CRIM1: variants seen among roughly 807,000 people sequenced by gnomAD.
CRIM1 encodes the protein cysteine-rich motor neuron 1 protein.
Under a neutral mutation model 116.4 loss-of-function variants are expected in CRIM1, and 32 were observed. The ratio of observed to expected loss-of-function variants is 0.27; its 90% CI spans 0.21 to 0.37. CRIM1 has a LOEUF of 0.37. CRIM1 is among the 10% of genes least tolerant of loss of function. CRIM1 has a pLI of 1.00. For synonymous variants in CRIM1, 590 were observed against 509.2 expected (o/e 1.16, Z -2.13); for missense variants, 1,331 against 1,354.8 (o/e 0.98, Z 0.28).
chr2:36,490,001 C>A (rs1680111539), intron 7 of CRIM1, among the ~76,000 whole-genome samples: 2 of 152,186 alleles, frequency 1.3e-5, no homozygotes, highest in South Asian at 4.1e-4. Flanking sequence ...CTTACCAGAC[C>A]ATATGAAAAG....
chr2:36,375,057 A>G (rs190128390), intron 1 of CRIM1, among the ~76,000 whole-genome samples: 7 of 151,896 alleles, frequency 4.6e-5, no homozygotes, highest in Admixed American at 4.6e-4. Context: ...TGAAAAATGG[A>G]TATAATTAAG....
chr2:36,504,454 T>G (rs1428574944), intron 8 of CRIM1, among the ~76,000 whole-genome samples: 1 of 152,190 alleles, frequency 6.6e-6, no homozygotes. Flanking sequence ...AACATGTGCT[T>G]CAAAAGTATG....
chr2:36,450,057 A>G (rs1320166199), intron 4 of CRIM1, among the ~76,000 whole-genome samples: 1 of 151,804 alleles, frequency 6.6e-6, no homozygotes, highest in African/African-American at 2.4e-5. Context: ...TTTTCTTTAC[A>G]TCTATAAATA....
intron 15 of CRIM1, among the ~76,000 whole-genome samples, chr2:36,546,226 A>AAAT (rs1667314681): frequency 1.3e-5 from 2 of 152,306 alleles, no homozygotes; most frequent in African/African-American, 4.8e-5. Flanking sequence ...CAGAATATAA[A>AAAT]AATAAGGAAA....
At chr2:36,428,872 G>A (rs143779463) in intron 2 of CRIM1, among the ~76,000 whole-genome samples, 19 of 152,274 alleles carry the variant, frequency 1.2e-4, no homozygotes, top group East Asian at 3.9e-4. Flanking sequence ...CTCTTCCTGC[G>A]TAGATATAAA....
At chr2:36,525,003 G>A (rs564491360) in intron 13 of CRIM1, among the ~76,000 whole-genome samples, 1 of 152,176 alleles carries the variant, frequency 6.6e-6, no homozygotes, top group Admixed American at 6.5e-5. Flanking sequence ...TTTTGATTCT[G>A]ATCTGTCTCC....
intron 13 of CRIM1, among the ~76,000 whole-genome samples, chr2:36,523,643 A>C (rs1040776343): frequency 7.2e-5 from 11 of 152,260 alleles, no homozygotes; most frequent in African/African-American, 2.7e-4. Flanking sequence ...TCAGAGTAGC[A>C]GATGAAAAAG....
chr2:36,371,704 T>C (rs1454574657), intron 1 of CRIM1, among the ~76,000 whole-genome samples: 1 of 152,222 alleles, frequency 6.6e-6, no homozygotes, highest in East Asian at 1.9e-4. Context: ...GTGTGGACTT[T>C]TCTTCTTGTC....
At chr2:36,450,447 A>G (rs564426322) in intron 4 of CRIM1, among the ~76,000 whole-genome samples, 10 of 152,352 alleles carry the variant, frequency 6.6e-5, no homozygotes, top group African/African-American at 2.4e-4. Flanking sequence ...CACACAGAAT[A>G]ATATTCATGG....
intron 7 of CRIM1, among the ~76,000 whole-genome samples, chr2:36,486,712 C>A (rs1295633437): frequency 6.6e-6 from 1 of 152,078 alleles, no homozygotes; most frequent in African/African-American, 2.4e-5. Context: ...CCTACTAAGA[C>A]AATAATTGCA....
chr2:36,461,952 G>A (rs1262269970), intron 4 of CRIM1, among the ~76,000 whole-genome samples: 1 of 152,148 alleles, frequency 6.6e-6, no homozygotes. Flanking sequence ...TGATTAAGAT[G>A]CTAATTTCAC....
In CRIM1 at chr2:36,449,887, A is replaced by AC. The variant is rs200812821; in HGVS notation, c.869+7152_869+7153insC. Among the ~76,000 whole-genome samples, 588 of 151,740 alleles carry AC rather than the reference A, an allele frequency of 3.9e-3. 19 individuals are homozygous for AC. In the South Asian group the frequency reaches 0.063, roughly 16 times the overall value. ...AACTTTCTTAAAAAAACAAAACAAA[A>AC]AAAAACCTTAGAAACAGCAAAATGA... is the stretch of plus-strand genomic sequence containing the variant. On this transcript the variant is annotated intron_variant, in intron 4 of 16. Coordinates refer to ENST00000280527, the MANE Select transcript of CRIM1 (RefSeq NM_016441.3).
chr2:36,496,639 A>T (rs879378024), intron 7 of CRIM1, among the ~76,000 whole-genome samples: 4 of 152,224 alleles, frequency 2.6e-5, no homozygotes, highest in Non-Finnish European at 4.4e-5. Context: ...TTATTTGTTC[A>T]AGTGAACAAA....
chr2:36,424,533 A>G (rs1229039487), intron 2 of CRIM1, among the ~76,000 whole-genome samples: 1 of 152,214 alleles, frequency 6.6e-6, no homozygotes, highest in African/African-American at 2.4e-5. Flanking sequence ...ATGCTCATCC[A>G]CAGTAGGGCT....
At chr2:36,474,042 G>A (rs1344946256) in intron 5 of CRIM1, among the ~76,000 whole-genome samples, 1 of 152,128 alleles carries the variant, frequency 6.6e-6, no homozygotes, top group Non-Finnish European at 1.5e-5. Flanking sequence ...ATCCATCATA[G>A]TGGGTGTGAA....
chr2:36,524,854 T>G (rs1665648044), intron 13 of CRIM1, among the ~76,000 whole-genome samples: 1 of 152,184 alleles, frequency 6.6e-6, no homozygotes. Context: ...TTCCAATTCC[T>G]GCATCTAGAT....
intron 10 of CRIM1, 163 bp from the exon 11 acceptor site, chr2:36,513,393 A>G (rs1186212791): frequency 1.2e-5 from 7 of 606,920 alleles, no homozygotes; most frequent in Non-Finnish European, 2.1e-5. Context: ...AAGATTGAGA[A>G]CATACTGACT....
chr2:36,545,070 C>T (rs1037452443), intron 15 of CRIM1, among the ~76,000 whole-genome samples: 3 of 152,170 alleles, frequency 2.0e-5, no homozygotes, highest in Non-Finnish European at 4.4e-5. Context: ...GTCACTATTT[C>T]CTTTTCTATA....
At chr2:36,459,105 G>A (rs548673730) in intron 4 of CRIM1, among the ~76,000 whole-genome samples, 17 of 151,972 alleles carry the variant, frequency 1.1e-4, no homozygotes, top group African/African-American at 4.1e-4. Flanking sequence ...TTTTTTTAGT[G>A]GAAAGTACAA....
Sources: gnomAD v4.1 joint callset for allele counts (sites outside exome capture counted in the v4.1 genomes callset) on GRCh38, gnomAD v4.1.1 for gene constraint, MANE v1.5 for transcripts, NCBI Gene and HGNC (gene_info 2026-07-23, HGNC 2026-07-21) for gene names.